IL1RAPL2: variants seen among roughly 807,000 people sequenced by gnomAD.
IL1RAPL2 encodes interleukin 1 receptor accessory protein like 2.
In IL1RAPL2, 3 loss-of-function variants were observed where a neutral mutation model predicts 44.1. The observed-to-expected ratio is 0.07, with a 90% CI of 0.03 to 0.18. IL1RAPL2 has a LOEUF of 0.18. Among genes scored for constraint, IL1RAPL2 ranks in the 10% least tolerant of loss-of-function variants. The probability of loss-of-function intolerance (pLI) is 1.00; values close to 1 mark genes in which losing one functional copy is unlikely to be tolerated. For missense variants in IL1RAPL2, 391 were observed against 496.4 expected, an observed-to-expected ratio of 0.79 and a Z score of 2.02; for synonymous variants, 181 against 178.8, an observed-to-expected ratio of 1.01 and a Z score of -0.10.
intron 6 of IL1RAPL2, among the ~76,000 whole-genome samples, chrX:105,707,459 C>T (rs2038174605): frequency 8.9e-6 from 1 of 112,146 alleles, no homozygotes; most frequent in Admixed American, 9.4e-5. Context: ...TGCCTTGCAG[C>T]ATGCTAGTTC....
chrX:104,687,302 T>G (rs752959847), intron 2 of IL1RAPL2, among the ~76,000 whole-genome samples: 2 of 112,048 alleles, frequency 1.8e-5, no homozygotes, highest in Non-Finnish European at 3.8e-5. Flanking sequence ...ATCAGGCAGC[T>G]TCCAGTCATG....
chrX:105,433,153 A>G (rs1056533827), intron 5 of IL1RAPL2, among the ~76,000 whole-genome samples: 3 of 110,836 alleles, frequency 2.7e-5, no homozygotes, highest in African/African-American at 9.8e-5. Context: ...ATTGACACAC[A>G]TGGCTATTAT....
chrX:104,819,665 C>T (rs1388246626), intron 2 of IL1RAPL2, among the ~76,000 whole-genome samples: 1 of 111,994 alleles, frequency 8.9e-6, no homozygotes, highest in Non-Finnish European at 1.9e-5. Flanking sequence ...TCTCCTAGTA[C>T]ACGTTGTCCC....
chrX:105,463,568 TCCCA>T (rs1388229761), intron 5 of IL1RAPL2, among the ~76,000 whole-genome samples: 1 of 32,808 alleles, frequency 3.0e-5, no homozygotes, highest in Non-Finnish European at 5.6e-5. Context: ...TCTCTCTCTC[TCCCA>T]CACACACACA....
At chrX:105,721,856 A>G (rs1267744355) in intron 7 of IL1RAPL2, among the ~76,000 whole-genome samples, 3 of 112,231 alleles carry the variant, frequency 2.7e-5, no homozygotes, top group Non-Finnish European at 5.6e-5. Context: ...TGAAAATTTC[A>G]CAAGACCCTA....
At chrX:105,435,127 G>C (rs555438642) in intron 5 of IL1RAPL2, among the ~76,000 whole-genome samples, 2 of 111,754 alleles carry the variant, frequency 1.8e-5, no homozygotes, top group Middle Eastern at 9.2e-3. Flanking sequence ...TTGTAGTATA[G>C]TTTGAAGTTA....
At chrX:105,711,888 TAATTTGC>T (rs777294306) in intron 6 of IL1RAPL2, among the ~76,000 whole-genome samples, 1 of 112,335 alleles carries the variant, frequency 8.9e-6, no homozygotes, top group South Asian at 3.7e-4. Flanking sequence ...AACTGGAGAA[TAATTTGC>T]TTTGCCTCCC....
intron 2 of IL1RAPL2, among the ~76,000 whole-genome samples, chrX:105,147,863 C>T (rs756621529): frequency 1.3e-4 from 14 of 110,696 alleles, no homozygotes; most frequent in East Asian, 2.8e-4. Context: ...ATACCTAGAA[C>T]GAGAATTGCT....
intron 3 of IL1RAPL2, among the ~76,000 whole-genome samples, chrX:105,199,827 T>G (rs2033701947): frequency 8.9e-6 from 1 of 112,393 alleles, no homozygotes; most frequent in Non-Finnish European, 1.9e-5. Context: ...GAATATTACC[T>G]CTCATGTGTG....
chrX:104,874,585 G>A (rs1922857695), intron 2 of IL1RAPL2, among the ~76,000 whole-genome samples: 2 of 110,970 alleles, frequency 1.8e-5, no homozygotes, highest in Non-Finnish European at 3.8e-5. Context: ...AAAAATCAAT[G>A]GCTGGTAAGT....
At chrX:104,772,735 ATCT>A (rs1181292349) in intron 2 of IL1RAPL2, among the ~76,000 whole-genome samples, 2 of 111,863 alleles carry the variant, frequency 1.8e-5, no homozygotes, top group Non-Finnish European at 3.8e-5. Context: ...CAAATGGGAA[ATCT>A]TCTGTGTATT....
intron 2 of IL1RAPL2, among the ~76,000 whole-genome samples, chrX:104,812,011 T>C (rs1294624363): frequency 9.0e-6 from 1 of 110,956 alleles, no homozygotes; most frequent in Admixed American, 9.6e-5. Context: ...TTAATGAGTT[T>C]GGGGAGGAAA....
At chrX:104,799,405 C>G (rs1163966151) in intron 2 of IL1RAPL2, among the ~76,000 whole-genome samples, 3 of 111,015 alleles carry the variant, frequency 2.7e-5, no homozygotes, top group Non-Finnish European at 5.7e-5. Context: ...TTGTGAAAAC[C>G]TGGATTGCTG....
chrX:105,018,997 AT>A (rs1305245827), intron 2 of IL1RAPL2, among the ~76,000 whole-genome samples: 2 of 111,811 alleles, frequency 1.8e-5, no homozygotes, highest in African/African-American at 6.5e-5. Context: ...AGGTGTTGCT[AT>A]GGCTGAGAAA....
chrX:105,269,257 T>C (rs2034428800), intron 5 of IL1RAPL2, among the ~76,000 whole-genome samples: 1 of 110,893 alleles, frequency 9.0e-6, no homozygotes, highest in Non-Finnish European at 1.9e-5. Flanking sequence ...TTAAAATCAG[T>C]CAACTAATTA....
intron 6 of IL1RAPL2, among the ~76,000 whole-genome samples, chrX:105,503,081 T>C (rs1287634327): frequency 1.8e-5 from 2 of 111,081 alleles, no homozygotes. Flanking sequence ...GAATGAGCAA[T>C]TTAAATTATG....
chrX:105,406,246 A>G (rs2035643510), intron 5 of IL1RAPL2: 1 of 1,103,371 alleles, frequency 9.1e-7, no homozygotes, highest in African/African-American at 1.8e-5. Flanking sequence ...TTAAGGACAA[A>G]AGTGTCTGGG....
intron 2 of IL1RAPL2, among the ~76,000 whole-genome samples, chrX:105,128,166 T>A (rs1235037608): frequency 2.7e-5 from 3 of 110,925 alleles, no homozygotes; most frequent in Non-Finnish European, 5.7e-5. Flanking sequence ...TCCTTTTTTA[T>A]GTCCCTGGGC....
chrX:105,403,239 G>C, intron 5 of IL1RAPL2, among the ~76,000 whole-genome samples: 1 of 111,692 alleles, frequency 9.0e-6, no homozygotes, highest in South Asian at 3.7e-4. Context: ...TTAATAATCA[G>C]TGATTTGGTG....
Sources: gnomAD v4.1 joint callset for allele counts (sites outside exome capture counted in the v4.1 genomes callset) on GRCh38, gnomAD v4.1.1 for gene constraint, MANE v1.5 for transcripts, NCBI Gene and HGNC (gene_info 2026-07-23, HGNC 2026-07-21) for gene names.